The following ZNF816 variants were observed in gnomAD, a reference collection of about 807,000 sequenced individuals.
ZNF816 encodes the protein zinc finger protein 816A.
A neutral mutation model predicts 8.3 loss-of-function variants in ZNF816; 11 were observed. The ratio of observed to expected loss-of-function variants is 1.32; its 90% CI spans 0.83 to 2.19. The LOEUF is 2.19. Among genes scored for constraint, ZNF816 ranks in the 30% most tolerant of loss-of-function variants. The probability of loss-of-function intolerance (pLI) is 0.00; values close to 1 mark genes in which losing one functional copy is unlikely to be tolerated. For missense variants in ZNF816, 710 were observed against 779.3 expected, an observed-to-expected ratio of 0.91 and a Z score of 1.06; for synonymous variants, 255 against 254.5, an observed-to-expected ratio of 1.00 and a Z score of -0.02.
At chr19:52,955,830 C>G (rs143464958) in intron 2 of ZNF816, among the ~76,000 whole-genome samples, 197 bp downstream of exon 2, 88 of 152,266 alleles carry the variant, frequency 5.8e-4, no homozygotes, top group African/African-American at 1.8e-3. Context: ...CCCAGTGGAG[C>G]CTCTTCCCAA....
chr19:52,955,896 G>A, intron 2 of ZNF816, 131 bp downstream of exon 2: 1 of 1,228,302 alleles, frequency 8.1e-7, no homozygotes, highest in South Asian at 1.4e-5. Flanking sequence ...GAGGGACTGA[G>A]AAAAGACACG....
At chr19:52,951,628 G>A (rs1248486505) in intron 3 of ZNF816, 44 bp from the exon 4 acceptor site, 5 of 1,456,046 alleles carry the variant, frequency 3.4e-6, no homozygotes, top group Non-Finnish European at 1.8e-6. Flanking sequence ...AAGTACAGAT[G>A]GTAAATAATA....
chr19:52,952,812 A>G lies in ZNF816; in HGVS notation c.129T>C (p.Pro43=), dbSNP rs2083471089. 2 of 1,614,004 alleles carry G rather than the reference A, an allele frequency of 1.2e-6. No individual in the cohort carries two copies. Among genetic ancestry groups the G allele is most frequent in the South Asian group, 2.2e-5 (2 of 91,066 alleles). ...CAGCCCTGTATAAAGCCCTCTGTGCAGGGTTCAGGCATTTCCACTCCTCCA... is the reference window on the plus strand; with the variant it reads ...CAGCCCTGTATAAAGCCCTCTGTGCGGGGTTCAGGCATTTCCACTCCTCCA... ...FSLEEWKCLN[P]AQRALYRAVM... is the part of the protein sequence containing the mutation. The change falls in exon 3 of 4, where the codon CCT becomes CCC. Residue 43 remains proline, a synonymous_variant. Transcript: ENST00000444460.
intron 2 of ZNF816, among the ~76,000 whole-genome samples, chr19:52,954,732 A>C (rs559829178): frequency 6.6e-6 from 1 of 151,730 alleles, no homozygotes; most frequent in African/African-American, 2.4e-5. Context: ...GCTGAAGCGT[A>C]AGACTCATTT....
intron 1 of ZNF816, among the ~76,000 whole-genome samples, chr19:52,956,503 G>T (rs1453755014): frequency 2.0e-5 from 3 of 152,188 alleles, no homozygotes; most frequent in African/African-American, 7.2e-5. Context: ...GCCATTGTAA[G>T]TATTATTGAG....
intron 1 of ZNF816, among the ~76,000 whole-genome samples, chr19:52,959,327 C>T (rs1292710413): frequency 6.6e-6 from 1 of 152,228 alleles, no homozygotes; most frequent in Admixed American, 6.5e-5. Flanking sequence ...CACCCTGAAC[C>T]CCGCCACCTT....
chr19:52,959,139 C>T lies in ZNF816; in HGVS notation c.-15-3035G>A, dbSNP rs564364800. Among the ~76,000 whole-genome samples the T allele has an allele frequency of 1.1e-4, 16 of 152,332 alleles. No individual in the cohort carries two copies. The South Asian group carries it at 3.3e-3, about 32-fold the overall frequency. Reference sequence around the variant, plus strand: ...TGTTTGAGGGCCTTGGCAGCAACTGCCCTGCTGGCAGAAGAAGCAGATAAA... The same window carrying T: ...TGTTTGAGGGCCTTGGCAGCAACTGTCCTGCTGGCAGAAGAAGCAGATAAA... On this transcript the variant is annotated intron_variant, in intron 1 of 3. Coordinates refer to ENST00000444460, the MANE Select transcript of ZNF816 (RefSeq NM_001202457.3).
rs535973683 is a variant in ZNF816 at position 52,950,721 on chromosome 19, G to A, written c.1054C>T (p.Arg352Ter). Residue 352 changes from arginine (R) to a stop codon, truncating the protein, a stop_gained, in exon 4 of 4, where the codon CGA (arginine) becomes TGA (stop). Transcript: ENST00000444460. LOFTEE classifies it low-confidence loss of function (END_TRUNC). ...KCNECGKTFG[R>*]NSALVIHKAI... ...TTATGAATTACAAGGGCTGAATTTC[G>A]ACCAAAAGTCTTGCCACACTCATTA... 4 of 1,613,934 alleles carry A rather than the reference G, an allele frequency of 2.5e-6. No individual in the cohort carries two copies. Among genetic ancestry groups the A allele is most frequent in the Admixed American group, 3.3e-5 (2 of 59,984 alleles).
At position 52,951,346 on chromosome 19, in the gene ZNF816, A is replaced by G. The variant is rs2083458087; in HGVS notation, c.429T>C (p.Asp143=). 1 of 1,614,164 alleles carries G rather than the reference A, an allele frequency of 6.2e-7. No homozygotes were observed. Among genetic ancestry groups the G allele is most frequent in the Non-Finnish European group, 8.5e-7 (1 of 1,180,014 alleles). The change falls in exon 4 of 4, where the codon GAT becomes GAC. Residue 143 remains aspartate, a synonymous_variant. Transcript: ENST00000444460. The part of the protein sequence containing the change: ...KKLTGSTDRS[D]HRHAGNKPIK... ...TAGGCTTGTTTCCAGCATGCCTGTG[A>G]TCACTTCGGTCTGTACTACCAGTCA...
rs1191389206 is a variant in ZNF816 at position 52,949,958 on chromosome 19, G to C, written c.1817C>G (p.Ala606Gly). Residue 606 changes from alanine to glycine, a missense_variant, in exon 4 of 4, where the codon GCA becomes GGA. By Grantham distance (60) the Ala-to-Gly change is moderately conservative (BLOSUM62 0). Coordinates refer to ENST00000444460, the MANE Select transcript of ZNF816 (RefSeq NM_001202457.3). ...AACTCTCTGATGTTTTGCAAGGCTT[G>C]CTTTTTGATTAAAAACCTTGCCACA... The part of the protein sequence containing the change: ...NECGKVFNQK[A>G]SLAKHQRVHT... 8 of 1,613,786 alleles carry C rather than the reference G, an allele frequency of 5.0e-6. No homozygotes were observed. The African/African-American group carries it at 1.1e-4, about 22-fold the overall frequency.
rs1299029655 is a variant in ZNF816 at position 52,949,926 on chromosome 19, C to A, written c.1849G>T (p.Ala617Ser). The A allele has an allele frequency of 3.1e-6, 5 of 1,613,928 alleles. No homozygotes were observed. In the Admixed American group the frequency reaches 5.0e-5, roughly 16 times the overall value. The change falls in exon 4 of 4, where the codon GCA becomes TCA. Residue 617 changes from alanine to serine, a missense_variant. Ala to Ser is a moderately conservative substitution (Grantham distance 99). Coordinates refer to ENST00000444460, the MANE Select transcript of ZNF816 (RefSeq NM_001202457.3). ...TCATTACACTTGTAAGGTTTCTCTG[C>A]AGTATGAACTCTCTGATGTTTTGCA... ...SLAKHQRVHT[A>S]EKPYKCNECG...
intron 1 of ZNF816, among the ~76,000 whole-genome samples, chr19:52,960,549 G>A (rs943940917): frequency 9.9e-5 from 15 of 152,136 alleles, no homozygotes; most frequent in African/African-American, 1.7e-4. Context: ...TGAATGAATC[G>A]GATTATCAAA....
At chr19:52,951,758 CATG>C (rs1200054751) in intron 3 of ZNF816, 174 bp from the exon 4 acceptor site, 24 of 645,696 alleles carry the variant, frequency 3.7e-5, no homozygotes, top group South Asian at 3.3e-4. Context: ...ATTAGCCAGT[CATG>C]GTGGTGGGTG....
At chr19:52,956,539 C>T (rs146649631) in intron 1 of ZNF816, among the ~76,000 whole-genome samples, 166 of 152,306 alleles carry the variant, frequency 1.1e-3, no homozygotes, top group Middle Eastern at 6.8e-3. Context: ...ATTATAATAG[C>T]AATCTGATAA....
rs757571939 is a variant in ZNF816 at position 52,949,898 on chromosome 19, C to A, written c.1877G>T (p.Cys626Phe). The change falls in exon 4 of 4, where the codon TGT (cysteine) becomes TTT (phenylalanine). Residue 626 changes from cysteine (C) to phenylalanine (F), a missense_variant. Physicochemically the swap from Cys to Phe is radical, Grantham distance 205. Transcript: ENST00000444460. Reference sequence around the variant, plus strand: ...TGACTGTCCAGTAAAGGCTTTGCCACACTCATTACACTTGTAAGGTTTCTC... The same window carrying A: ...TGACTGTCCAGTAAAGGCTTTGCCAAACTCATTACACTTGTAAGGTTTCTC... ...TAEKPYKCNE[C>F]GKAFTGQSTL... The A allele has an allele frequency of 4.3e-6, 7 of 1,613,912 alleles. No homozygotes were observed. The South Asian group carries it at 7.7e-5, about 18-fold the overall frequency.
Position 52,949,890 on chromosome 19 carries a change from C to G in ZNF816, c.1885G>C (p.Ala629Pro). ...ATAAGTGTTGACTGTCCAGTAAAGG[C>G]TTTGCCACACTCATTACACTTGTAA... is the stretch of plus-strand genomic sequence containing the variant. ...KPYKCNECGK[A>P]FTGQSTLIHH... Residue 629 changes from alanine (A) to proline (P), a missense_variant, in exon 4 of 4, where the codon GCC becomes CCC. Physicochemically the swap from Ala to Pro is conservative, Grantham distance 27. Transcript: ENST00000444460. 1.2e-6 allele frequency: 2 copies of G among 1,613,868 alleles called. No homozygotes were observed. Among genetic ancestry groups the G allele is most frequent in the Non-Finnish European group, 1.7e-6 (2 of 1,179,814 alleles).
chr19:52,960,264 TG>T, intron 1 of ZNF816: 2 of 271,222 alleles, frequency 7.4e-6, no homozygotes, highest in South Asian at 3.7e-5. Context: ...GATCTCCAGG[TG>T]GACTTCACAG....
rs1053249021 is a variant in ZNF816 at position 52,957,980 on chromosome 19, G to A, written c.-15-1876C>T. Among the ~76,000 whole-genome samples, 2 of 152,178 alleles carry A rather than the reference G, an allele frequency of 1.3e-5. No individual in the cohort carries two copies. Among genetic ancestry groups the A allele is most frequent in the African/African-American group, 4.8e-5 (2 of 41,440 alleles). The stretch of plus-strand genomic sequence containing the variant: ...AACTCTGGCTAAGCGGTGGCCAAGG[G>A]TGTAGACAGAAGACAACCCTCCAGG... On this transcript the variant is annotated intron_variant, in intron 1 of 3. Coordinates refer to ENST00000444460, the MANE Select transcript of ZNF816 (RefSeq NM_001202457.3). This position sits in a 1 kb window ranked among gnomAD's most constrained non-coding sequence, Gnocchi z 4.6.
chr19:52,962,418 C>G (rs545429572), intron 1 of ZNF816, among the ~76,000 whole-genome samples: 102 of 152,240 alleles, frequency 6.7e-4, no homozygotes, highest in Middle Eastern at 3.4e-3. Flanking sequence ...TCCACCACGT[C>G]TCAGATGGAA....
Sources: gnomAD v4.1 joint callset for allele counts (sites outside exome capture counted in the v4.1 genomes callset) on GRCh38, gnomAD v4.1.1 for gene constraint, Gnocchi (gnomAD v3.1) non-coding constraint, MANE v1.5 for transcripts, NCBI Gene and HGNC (gene_info 2026-07-23, HGNC 2026-07-21) for gene names.